The following NCAM2 variants were observed in gnomAD, a reference collection of about 807,000 sequenced individuals.
NCAM2 encodes the protein neural cell adhesion molecule 2.
A neutral mutation model predicts 98.1 loss-of-function variants in NCAM2; 30 were observed. The observed-to-expected ratio is 0.31, with a 90% CI of 0.23 to 0.41. The LOEUF is 0.41. Among genes scored for constraint, NCAM2 ranks in the 10% least tolerant of loss-of-function variants. NCAM2 has a pLI of 1.00. For synonymous variants in NCAM2, 368 were observed against 342.4 expected, an observed-to-expected ratio of 1.07 and a Z score of -0.83; for missense variants, 867 against 1,005.8, an observed-to-expected ratio of 0.86 and a Z score of 1.87.
intron 1 of NCAM2, among the ~76,000 whole-genome samples, chr21:21,021,109 G>C (rs972493580): frequency 6.6e-6 from 1 of 151,992 alleles, no homozygotes; most frequent in African/African-American, 2.4e-5. Context: ...ATCCTTCCCA[G>C]CAATTTATTG....
chr21:21,372,281 A>C (rs182546403), intron 8 of NCAM2, among the ~76,000 whole-genome samples: 78 of 151,980 alleles, frequency 5.1e-4, no homozygotes, highest in African/African-American at 1.8e-3. Flanking sequence ...TTGAAATACC[A>C]TTTAAATAAG....
intron 5 of NCAM2, among the ~76,000 whole-genome samples, chr21:21,322,597 A>G (rs2074404314): frequency 6.6e-6 from 1 of 152,158 alleles, no homozygotes; most frequent in Non-Finnish European, 1.5e-5. Flanking sequence ...ACAAATGAGT[A>G]TACTTCCTGG....
intron 1 of NCAM2, among the ~76,000 whole-genome samples, chr21:21,066,991 A>G (rs1444508869): frequency 1.3e-5 from 2 of 152,044 alleles, no homozygotes; most frequent in Admixed American, 6.6e-5. Flanking sequence ...TTATATTGCT[A>G]CTGGAAATCA....
chr21:21,419,584 C>T (rs1391983257), intron 11 of NCAM2, among the ~76,000 whole-genome samples: 1 of 141,404 alleles, frequency 7.1e-6, no homozygotes, highest in Admixed American at 7.6e-5. Context: ...TTGTTCAGTT[C>T]CCACCTATGA....
At chr21:21,211,135 T>G (rs916003648) in intron 1 of NCAM2, among the ~76,000 whole-genome samples, 1 of 152,150 alleles carries the variant, frequency 6.6e-6, no homozygotes, top group Non-Finnish European at 1.5e-5. Context: ...ATACTGTTTT[T>G]AAAATTATAC....
chr21:21,327,931 A>G (rs768880410), intron 6 of NCAM2, among the ~76,000 whole-genome samples: 3 of 152,144 alleles, frequency 2.0e-5, no homozygotes, highest in Non-Finnish European at 4.4e-5. Context: ...AAAAGCAGTG[A>G]CTCTAAAGGT....
intron 1 of NCAM2, among the ~76,000 whole-genome samples, chr21:21,205,761 A>C (rs368937326): frequency 3.6e-4 from 55 of 152,290 alleles, no homozygotes; most frequent in African/African-American, 1.2e-3. Context: ...TATTTCACAC[A>C]GTTGTGGAAG....
chr21:21,452,090 T>G (rs1981170386), intron 12 of NCAM2, among the ~76,000 whole-genome samples: 1 of 151,090 alleles, frequency 6.6e-6, no homozygotes, highest in South Asian at 2.1e-4. Flanking sequence ...AGGATATAGT[T>G]TATTAGTGAC....
intron 1 of NCAM2, among the ~76,000 whole-genome samples, chr21:21,021,841 T>C (rs1601115571): frequency 6.6e-6 from 1 of 152,200 alleles, no homozygotes; most frequent in East Asian, 1.9e-4. Context: ...TTTTTAATTT[T>C]GTTAATCTCG....
At chr21:21,166,367 C>A (rs535645935) in intron 1 of NCAM2, among the ~76,000 whole-genome samples, 195 of 152,226 alleles carry the variant, frequency 1.3e-3, no homozygotes, top group African/African-American at 4.5e-3. Context: ...ACCACCACGC[C>A]CAGATAATTT....
intron 8 of NCAM2, among the ~76,000 whole-genome samples, chr21:21,346,149 C>T (rs1384547372): frequency 5.6e-5 from 8 of 143,452 alleles, no homozygotes; most frequent in Non-Finnish European, 1.2e-4. Context: ...CTACAAGAAA[C>T]ATACTTCATC....
rs2826714 is a variant in NCAM2, at chr21:21,162,002, C to A, written c.56-118576C>A. Among the ~76,000 whole-genome samples, 923 of 152,114 alleles carry A rather than the reference C, an allele frequency of 6.1e-3. 31 individuals carry two copies. Among genetic ancestry groups the A allele is most frequent in the Admixed American group, 0.056 (851 of 15,260 alleles). ...ATATTTGTTTCTTATTCACTCTCTG[C>A]ATTATAGCTTTCAGAAATGAGGATT... On this transcript the variant is annotated intron_variant, in intron 1 of 17. Coordinates refer to ENST00000400546, the MANE Select transcript of NCAM2 (RefSeq NM_004540.5).
chr21:21,334,862 A>C (rs2147857533), intron 6 of NCAM2, among the ~76,000 whole-genome samples: 1 of 152,198 alleles, frequency 6.6e-6, no homozygotes, highest in African/African-American at 2.4e-5. Context: ...GAGAAAAAAA[A>C]CCTTAAAAAT....
intron 1 of NCAM2, among the ~76,000 whole-genome samples, chr21:21,258,312 G>A (rs1404243472): frequency 6.6e-6 from 1 of 152,170 alleles, no homozygotes. Context: ...AACATCAGAT[G>A]CCAGTTCTGC....
At chr21:21,472,385 T>A (rs1984555895) in intron 14 of NCAM2, among the ~76,000 whole-genome samples, 2 of 151,994 alleles carry the variant, frequency 1.3e-5, no homozygotes, top group Non-Finnish European at 2.9e-5. Flanking sequence ...CAAGCTTTGG[T>A]TCTTAAGAAA....
intron 14 of NCAM2, 122 bp downstream of exon 14, chr21:21,468,905 C>A: frequency 1.1e-6 from 1 of 871,684 alleles, no homozygotes; most frequent in African/African-American, 1.7e-5. Context: ...AAATGCTAAT[C>A]TTCCTTCCAT....
At chr21:21,455,210 CAAAAA>C (rs5842926) in intron 12 of NCAM2, among the ~76,000 whole-genome samples, 79 of 95,440 alleles carry the variant, frequency 8.3e-4, no homozygotes, top group African/African-American at 2.8e-3. Flanking sequence ...AACCTATTGG[CAAAAA>C]AAAAAAAAAA....
intron 1 of NCAM2, among the ~76,000 whole-genome samples, chr21:21,104,365 TG>T (rs2146500336): frequency 6.6e-6 from 1 of 152,282 alleles, no homozygotes; most frequent in East Asian, 1.9e-4. Flanking sequence ...AAGAAGTATT[TG>T]CCATACATGT....
chr21:21,332,627 C>G (rs957365693), intron 6 of NCAM2, among the ~76,000 whole-genome samples: 1 of 152,172 alleles, frequency 6.6e-6, no homozygotes, highest in Non-Finnish European at 1.5e-5. Flanking sequence ...CTGCAGATAT[C>G]TATAGCTCTG....
Sources: allele counts gnomAD v4.1 joint callset (sites outside exome capture counted in the v4.1 genomes callset), GRCh38; gene constraint gnomAD v4.1.1; transcripts MANE v1.5; gene names NCBI Gene and HGNC (gene_info 2026-07-23, HGNC 2026-07-21).